Variants in PSEN1 observed in about 807,000 individuals in gnomAD.
The protein encoded by PSEN1 is presenilin 1, also known as presenilin-1.
A neutral mutation model predicts 53.5 loss-of-function variants in PSEN1; 15 were observed. The observed-to-expected ratio is 0.28, with a 90% confidence interval of 0.19 to 0.43. PSEN1 has a LOEUF of 0.43. Among genes scored for constraint, PSEN1 ranks in the 20% least tolerant of loss-of-function variants. The pLI, the probability that PSEN1 is intolerant of heterozygous loss-of-function variation, is 1.00. For synonymous variants in PSEN1, 208 were observed against 209.8 expected (o/e 0.99, Z 0.08); for missense variants, 387 against 571.2 (o/e 0.68, Z 3.29).
At chr14:73,179,354 C>T (rs185710970) in intron 5 of PSEN1, among the ~76,000 whole-genome samples, 27 of 152,244 alleles carry the variant, frequency 1.8e-4, no homozygotes, top group Admixed American at 5.9e-4. Context: ...TGGTGGCTCA[C>T]GCCTGTAATC....
At chr14:73,136,718 T>G (rs1185378126) in intron 1 of PSEN1, 135 bp downstream of exon 1, 1 of 152,162 alleles carries the variant, frequency 6.6e-6, no homozygotes, top group African/African-American at 2.4e-5. Flanking sequence ...CGCGGCCGGT[T>G]GGGGCTGGGG....
chr14:73,212,467 A>G (rs1899744365), intron 10 of PSEN1, among the ~76,000 whole-genome samples: 1 of 152,128 alleles, frequency 6.6e-6, no homozygotes, highest in South Asian at 2.1e-4. Flanking sequence ...TTTATTTTAT[A>G]AAGTAAAAGA....
intron 5 of PSEN1, among the ~76,000 whole-genome samples, chr14:73,178,565 T>C (rs138527450): frequency 2.6e-5 from 4 of 152,320 alleles, no homozygotes; most frequent in Non-Finnish European, 5.9e-5. Flanking sequence ...ATTTTCCAAT[T>C]TTTTTCACTA....
chr14:73,212,088 CTTTTTTTTTTTTTTTTTTTTTTTT>C lies in PSEN1; in HGVS notation c.1129+164_1129+187del, dbSNP rs398043836. ...TTATTTGGATATATCAGTAATAGTG[CTTTTTTTTTTTTTTTTTTTTTTTT>C]TTTTTTTTTTTTTTTTTGAGACAGA... On this transcript the variant is annotated intron_variant, in intron 10 of 11. Transcript: ENST00000324501. 217 of 70,550 alleles carry C rather than the reference CTTTTTTTTTTTTTTTTTTTTTTTT, an allele frequency of 3.1e-3. 1 individual carries two copies. Among genetic ancestry groups the C allele is most frequent in the Admixed American group, 0.02 (87 of 4,460 alleles). 4.4% of individuals were successfully genotyped at this position (70,550 alleles called of 1,614,324 possible). A position where few individuals can be genotyped will look rare whatever the true frequency, so the allele number is the denominator to read the frequency against.
intron 5 of PSEN1, among the ~76,000 whole-genome samples, chr14:73,177,479 G>T (rs752960190): frequency 2.0e-5 from 3 of 152,072 alleles, no homozygotes; most frequent in Non-Finnish European, 4.4e-5. Flanking sequence ...GGCGTGAGCC[G>T]CTATGCCAGG....
chr14:73,182,854 T>A (rs1244933416), intron 5 of PSEN1, among the ~76,000 whole-genome samples: 1 of 151,992 alleles, frequency 6.6e-6, no homozygotes, highest in Non-Finnish European at 1.5e-5. Context: ...AATAAATAAA[T>A]AAAATTAAAA....
intron 11 of PSEN1, among the ~76,000 whole-genome samples, chr14:73,218,086 C>CTTTTT (rs58637970): frequency 1.0e-4 from 10 of 97,894 alleles, no homozygotes; most frequent in Non-Finnish European, 1.6e-4. Flanking sequence ...CCGCACCTGG[C>CTTTTT]TTTTTTTTTT....
intron 3 of PSEN1, 97 bp from the exon 4 acceptor site, chr14:73,170,700 C>T (rs2140035945): frequency 7.6e-7 from 1 of 1,309,788 alleles, no homozygotes; most frequent in East Asian, 2.4e-5. Flanking sequence ...GTTTTTAGAA[C>T]TCATAGTGAC....
intron 3 of PSEN1, among the ~76,000 whole-genome samples, chr14:73,153,895 A>G (rs935512445): frequency 3.3e-5 from 5 of 151,602 alleles, no homozygotes; most frequent in African/African-American, 9.7e-5. Flanking sequence ...AGTATTTTAG[A>G]TAGAGATGGG....
intron 1 of PSEN1, among the ~76,000 whole-genome samples, chr14:73,140,770 G>A (rs1194670983): frequency 6.6e-6 from 1 of 152,128 alleles, no homozygotes; most frequent in Non-Finnish European, 1.5e-5. Context: ...GCGATTCTAA[G>A]TCTTTGTTCG....
chr14:73,158,275 CT>C (rs765247843), intron 3 of PSEN1, among the ~76,000 whole-genome samples: 8 of 140,824 alleles, frequency 5.7e-5, no homozygotes, highest in African/African-American at 1.3e-4. Flanking sequence ...GTATATTTAA[CT>C]TTTTTTTCTA....
At chr14:73,208,558 G>A (rs1899547778) in intron 9 of PSEN1, among the ~76,000 whole-genome samples, 1 of 152,138 alleles carries the variant, frequency 6.6e-6, no homozygotes, top group African/African-American at 2.4e-5. Flanking sequence ...GCAGCCCTCA[G>A]TGGAGAGGAG....
intron 6 of PSEN1, among the ~76,000 whole-genome samples, chr14:73,188,056 G>A (rs900193496): frequency 1.3e-5 from 2 of 152,026 alleles, no homozygotes; most frequent in East Asian, 3.9e-4. Context: ...AGCCCCCTGA[G>A]TAACCGGGAC....
chr14:73,192,185 C>T lies in PSEN1; in HGVS notation c.549-459C>T, dbSNP rs528685006. 3.9e-5 allele frequency among the ~76,000 whole-genome samples: 6 copies of T among 152,220 alleles called. No homozygotes were observed. The South Asian group carries it at 1.2e-3, about 32-fold the overall frequency. ...AGGCACCGTGGCTCATGCTTGTAATCCCAGCACTTTGGGAGGCTGAGACGG... is the reference window on the plus strand; with the variant it reads ...AGGCACCGTGGCTCATGCTTGTAATTCCAGCACTTTGGGAGGCTGAGACGG... On this transcript the variant is annotated intron_variant, in intron 6 of 11. Transcript: ENST00000324501.
At chr14:73,194,314 T>C (rs1898847179) in intron 7 of PSEN1, among the ~76,000 whole-genome samples, 1 of 152,058 alleles carries the variant, frequency 6.6e-6, no homozygotes, top group Admixed American at 6.6e-5. Context: ...TACAGTGGCA[T>C]GAACGTGGCT....
intron 6 of PSEN1, among the ~76,000 whole-genome samples, chr14:73,187,136 T>G (rs955973290): frequency 2.0e-5 from 3 of 152,240 alleles, no homozygotes; most frequent in Non-Finnish European, 4.4e-5. Context: ...TGAAAGAACT[T>G]AAGACTACAG....
At chr14:73,208,682 C>T (rs998121806) in intron 9 of PSEN1, 2 of 378,066 alleles carry the variant, frequency 5.3e-6, no homozygotes, top group Non-Finnish European at 1.1e-5. Flanking sequence ...GCTGATGGGT[C>T]CATGGGTGGC....
At chr14:73,138,804 CA>C (rs76081140) in intron 1 of PSEN1, among the ~76,000 whole-genome samples, 1,885 of 132,136 alleles carry the variant, frequency 0.014, 33 homozygotes, top group African/African-American at 0.042. Flanking sequence ...CTAAAAAATA[CA>C]AAAAAAAAAA....
intron 4 of PSEN1, among the ~76,000 whole-genome samples, chr14:73,171,930 T>C (rs1488409852): frequency 2.0e-5 from 3 of 152,234 alleles, no homozygotes; most frequent in Non-Finnish European, 4.4e-5. Context: ...TGGTATCTTT[T>C]CTCATAGCAA....
Sources: gnomAD v4.1 joint callset for allele counts (sites outside exome capture counted in the v4.1 genomes callset) on GRCh38, gnomAD v4.1.1 for gene constraint, MANE v1.5 for transcripts, NCBI Gene and HGNC (gene_info 2026-07-23, HGNC 2026-07-21) for gene names.